Variants in RP1 observed in about 807,000 individuals in gnomAD.
RP1 encodes the protein RP1 axonemal microtubule associated, also known as oxygen-regulated protein 1.
RP1 carries 16 observed loss-of-function variants against 14.8 expected under a neutral mutation model. The ratio of observed to expected loss-of-function variants is 1.08; its 90% CI spans 0.73 to 1.65. The LOEUF (loss-of-function observed/expected upper bound fraction) is 1.65, where lower values mean the gene tolerates loss of function less well. RP1 is among the 40% of genes most tolerant of loss of function. The pLI, the probability that RP1 is intolerant of heterozygous loss-of-function variation, is 0.00. For synonymous variants in RP1, 876 were observed against 883.6 expected, an observed-to-expected ratio of 0.99 and a Z score of 0.15; for missense variants, 2,631 against 2,535.0, an observed-to-expected ratio of 1.04 and a Z score of -0.81.
intron 24 of RP1, among the ~76,000 whole-genome samples, chr8:54,798,100 G>A (rs1378029099): frequency 3.9e-5 from 6 of 151,958 alleles, no homozygotes; most frequent in Non-Finnish European, 8.8e-5. Context: ...TGCAACCTCC[G>A]CCTCCTGGGC....
intron 3 of RP1, among the ~76,000 whole-genome samples, chr8:54,641,420 A>G (rs1585576882): frequency 1.3e-5 from 2 of 152,172 alleles, no homozygotes; most frequent in Admixed American, 6.5e-5. Context: ...ATTTCCATTT[A>G]TATAATAAAT....
chr8:54,806,050 A>T (rs1810842826), intron 24 of RP1, among the ~76,000 whole-genome samples: 1 of 151,824 alleles, frequency 6.6e-6, no homozygotes. Flanking sequence ...ACAGAGTCAC[A>T]CTCTGTCACC....
At chr8:54,802,931 T>C (rs975072427) in intron 24 of RP1, among the ~76,000 whole-genome samples, 1 of 152,172 alleles carries the variant, frequency 6.6e-6, no homozygotes, top group Non-Finnish European at 1.5e-5. Context: ...GTGTGCTGGA[T>C]GTGTGTTCTA....
chr8:54,761,390 C>T (rs985755203), intron 22 of RP1, among the ~76,000 whole-genome samples: 2 of 151,998 alleles, frequency 1.3e-5, no homozygotes, highest in African/African-American at 4.8e-5. Context: ...GCATGTACCA[C>T]CATGCCTGGC....
At chr8:54,638,248 G>A (rs1382411103) in intron 3 of RP1, among the ~76,000 whole-genome samples, 1 of 151,790 alleles carries the variant, frequency 6.6e-6, no homozygotes, top group Non-Finnish European at 1.5e-5. Context: ...GACGAGCCTC[G>A]GCAACACAGT....
chr8:54,803,275 C>T (rs546458237), intron 24 of RP1, among the ~76,000 whole-genome samples: 71 of 152,238 alleles, frequency 4.7e-4, no homozygotes, highest in African/African-American at 1.3e-3. Context: ...CTCACTGTCT[C>T]GTGGACGGGA....
intron 24 of RP1, among the ~76,000 whole-genome samples, chr8:54,785,647 C>T (rs1810299443): frequency 6.6e-6 from 1 of 152,078 alleles, no homozygotes; most frequent in African/African-American, 2.4e-5. Context: ...TACACTTCTA[C>T]CAGCAATGTA....
intron 17 of RP1, chr8:54,726,502 C>G: frequency 6.6e-7 from 1 of 1,509,646 alleles, no homozygotes; most frequent in East Asian, 2.5e-5. Context: ...TGCTTTCATA[C>G]TTTTGGTTTG....
intron 1 of RP1, among the ~76,000 whole-genome samples, chr8:54,562,592 T>A (rs1414253661): frequency 6.6e-6 from 1 of 151,772 alleles, no homozygotes; most frequent in Non-Finnish European, 1.5e-5. Flanking sequence ...AAGAATCGAT[T>A]GAACCCGGGA....
At chr8:54,831,251 C>G (rs1478299803) in intron 24 of RP1, among the ~76,000 whole-genome samples, 1 of 151,884 alleles carries the variant, frequency 6.6e-6, no homozygotes, top group African/African-American at 2.4e-5. Flanking sequence ...TATGGTAATA[C>G]TATATTTAAC....
chr8:54,700,359 T>G (rs548666032), intron 13 of RP1, among the ~76,000 whole-genome samples: 2 of 152,130 alleles, frequency 1.3e-5, no homozygotes, highest in African/African-American at 4.8e-5. Flanking sequence ...CAGGCTGATT[T>G]CAACTCATGG....
intron 24 of RP1, among the ~76,000 whole-genome samples, chr8:54,817,643 C>A (rs1437265025): frequency 3.3e-5 from 5 of 152,092 alleles, no homozygotes; most frequent in Admixed American, 3.3e-4. Context: ...AAACTATATT[C>A]AACACAGAGG....
chr8:54,580,235 G>A (rs983938957), intron 1 of RP1, among the ~76,000 whole-genome samples: 1 of 149,138 alleles, frequency 6.7e-6, no homozygotes, highest in Non-Finnish European at 1.5e-5. Flanking sequence ...TTAATAACTG[G>A]TAGCATTTAT....
intron 15 of RP1, among the ~76,000 whole-genome samples, chr8:54,717,473 A>G (rs2129349273): frequency 6.6e-6 from 1 of 152,312 alleles, no homozygotes; most frequent in African/African-American, 2.4e-5. Context: ...AAGTAATGAC[A>G]AAACTGGAGA....
chr8:54,656,038 T>A (rs1245287540), intron 5 of RP1: 1 of 1,387,474 alleles, frequency 7.2e-7, no homozygotes, highest in Non-Finnish European at 9.6e-7. Context: ...GACACTTTGA[T>A]AAAGCATTCC....
At position 54,626,891 on chromosome 8, in the gene RP1, T is replaced by G. The variant is rs748873929; in HGVS notation, c.3009T>G (p.Asp1003Glu). 1 of 1,613,798 alleles carries G rather than the reference T, an allele frequency of 6.2e-7. No individual in the cohort carries two copies. Among genetic ancestry groups the G allele is most frequent in the South Asian group, 1.1e-5 (1 of 91,080 alleles). Reference protein sequence around the residue: ...SFIANDTGEEDLHETQVGSLN... With the variant: ...SFIANDTGEEELHETQVGSLN... ...TTGCCAATGACACTGGTGAAGAAGA[T>G]CTCCATGAGACACAGGTTGGATCTC... The change falls in exon 4 of 4, where the codon GAT becomes GAG. Residue 1003 changes from aspartate to glutamate, a missense_variant. Transcript: ENST00000220676.
intron 24 of RP1, among the ~76,000 whole-genome samples, chr8:54,813,681 C>T (rs777667790): frequency 4.6e-5 from 7 of 152,210 alleles, no homozygotes; most frequent in African/African-American, 1.4e-4. Context: ...TGGACATCCT[C>T]GTGCACACAG....
chr8:54,744,228 G>T (rs1044993265), intron 19 of RP1, among the ~76,000 whole-genome samples: 2 of 152,130 alleles, frequency 1.3e-5, no homozygotes, highest in African/African-American at 4.8e-5. Context: ...ATTATATTAG[G>T]TGATGTTGTG....
chr8:54,567,011 T>C (rs892651009), intron 1 of RP1, among the ~76,000 whole-genome samples: 2 of 152,052 alleles, frequency 1.3e-5, no homozygotes, highest in Admixed American at 6.5e-5. Flanking sequence ...GTCTGGAAAA[T>C]AGAGCCAATC....
Sources: gnomAD v4.1 joint callset for allele counts (sites outside exome capture counted in the v4.1 genomes callset) on GRCh38, gnomAD v4.1.1 for gene constraint, MANE v1.5 for transcripts, NCBI Gene and HGNC (gene_info 2026-07-23, HGNC 2026-07-21) for gene names.